The following CHD9 variants were observed in gnomAD, a reference collection of about 807,000 sequenced individuals.
CHD9 encodes the protein chromodomain helicase DNA binding protein 9, also known as ATP-dependent chromatin remodeler CHD9.
In CHD9, 77 loss-of-function variants were observed where a neutral mutation model predicts 316.1. The observed-to-expected ratio is 0.24, with a 90% confidence interval of 0.20 to 0.29. CHD9 has a LOEUF of 0.29. Ranked by LOEUF, CHD9 falls within the 10% of genes least tolerant of loss-of-function variation. The probability of loss-of-function intolerance (pLI) is 1.00; values close to 1 mark genes in which losing one functional copy is unlikely to be tolerated. For missense variants in CHD9, 2,763 were observed against 3,438.1 expected, an observed-to-expected ratio of 0.80 and a Z score of 4.91; for synonymous variants, 1,129 against 1,158.3, an observed-to-expected ratio of 0.97 and a Z score of 0.51.
At position 53,288,095 on chromosome 16, in the gene CHD9, A is replaced by G. The variant is rs796197867; in HGVS notation, c.5247+81A>G. 20 of 1,087,836 alleles carry G rather than the reference A, an allele frequency of 1.8e-5. No homozygotes were observed. In the African/African-American group the frequency reaches 2.5e-4, roughly 14 times the overall value. The allele number at this position is 1,087,836 out of a possible 1,614,324, so 67.4% of individuals were successfully genotyped here. ...GTGTTTGCTTTTTCTTTTGCATTAT[A>G]TTTTGTTTTCATTATACATAATTCT... is the stretch of plus-strand genomic sequence containing the variant. On this transcript the variant is annotated intron_variant, in intron 27 of 38. Coordinates refer to ENST00000447540, the MANE Select transcript of CHD9 (RefSeq NM_001308319.2).
At position 53,308,862 on chromosome 16, in the gene CHD9, T is replaced by A; in HGVS notation, c.7222+8T>A. The A allele has an allele frequency of 6.3e-7, 1 of 1,597,058 alleles. No homozygotes were observed. Among genetic ancestry groups the A allele is most frequent in the Non-Finnish European group, 8.6e-7 (1 of 1,166,826 alleles). ...AATCCATACCAGTATCAGGTGAATA[T>A]GCAAGTAATAATTGTCTTACTATGA... On this transcript the variant is annotated splice_region_variant and intron_variant, in intron 34 of 38. Transcript: ENST00000447540.
intron 13 of CHD9, among the ~76,000 whole-genome samples, chr16:53,244,812 A>AT (rs1285646889): frequency 6.6e-6 from 1 of 152,122 alleles, no homozygotes; most frequent in Non-Finnish European, 1.5e-5. Context: ...GTGGGTAGAG[A>AT]TGTAGTTTTT....
chr16:53,077,768 C>T (rs555227245), intron 1 of CHD9, among the ~76,000 whole-genome samples: 5 of 152,278 alleles, frequency 3.3e-5, no homozygotes, highest in Non-Finnish European at 5.9e-5. Context: ...TCTACTTCTT[C>T]GGCAATTTTG....
intron 29 of CHD9, among the ~76,000 whole-genome samples, chr16:53,296,102 G>A (rs920591362): frequency 3.3e-5 from 5 of 151,872 alleles, no homozygotes; most frequent in South Asian, 2.1e-4. Context: ...CCTTAGCCTC[G>A]TCCCATCTGA....
chr16:53,280,538 G>A (rs768478014), intron 24 of CHD9, among the ~76,000 whole-genome samples: 1 of 151,764 alleles, frequency 6.6e-6, no homozygotes, highest in Non-Finnish European at 1.5e-5. Flanking sequence ...GCAGGAAGGG[G>A]GTTCGGGATA....
intron 1 of CHD9, among the ~76,000 whole-genome samples, chr16:53,151,016 T>G (rs920927952): frequency 6.6e-6 from 1 of 152,126 alleles, no homozygotes; most frequent in African/African-American, 2.4e-5. Flanking sequence ...TTTCATCAAA[T>G]TTGGGGAGTT....
chr16:53,262,909 C>T, intron 19 of CHD9, 78 bp from the exon 20 acceptor site: 1 of 1,131,640 alleles, frequency 8.8e-7, no homozygotes, highest in Admixed American at 1.8e-5. Flanking sequence ...AAATTCTATC[C>T]ATAGTAAATG....
intron 1 of CHD9, among the ~76,000 whole-genome samples, chr16:53,099,693 T>A (rs2036677047): frequency 6.6e-6 from 1 of 152,148 alleles, no homozygotes; most frequent in Non-Finnish European, 1.5e-5. Flanking sequence ...CCCTTCCCGC[T>A]GAGTCACACA....
chr16:53,068,270 G>A (rs1266156157), intron 1 of CHD9, among the ~76,000 whole-genome samples: 1 of 152,136 alleles, frequency 6.6e-6, no homozygotes, highest in Non-Finnish European at 1.5e-5. Context: ...TGTTATTGTT[G>A]TTAGTCTGCC....
intron 2 of CHD9, among the ~76,000 whole-genome samples, chr16:53,168,998 C>T (rs1212674239): frequency 6.6e-6 from 1 of 152,162 alleles, no homozygotes; most frequent in Non-Finnish European, 1.5e-5. Flanking sequence ...GTCACTTGAG[C>T]TCAAGAGTTT....
intron 2 of CHD9, among the ~76,000 whole-genome samples, chr16:53,209,206 G>A (rs1306940778): frequency 6.6e-6 from 1 of 152,114 alleles, no homozygotes; most frequent in African/African-American, 2.4e-5. Context: ...TATCTTTACA[G>A]GACAAAACTT....
chr16:53,255,991 A>G (rs1293949748), intron 19 of CHD9, among the ~76,000 whole-genome samples: 5 of 152,366 alleles, frequency 3.3e-5, no homozygotes, highest in Non-Finnish European at 7.3e-5. Context: ...TGTAATAACT[A>G]GAAATGGTTC....
rs140949087 is a variant in CHD9 at position 53,154,646 on chromosome 16, A to G, written c.-164-1280A>G. ...CTTATAAGGGAGCACAGCCTAGATC[A>G]CTTACATATGCAGTTCACGATAGGG... is the stretch of plus-strand genomic sequence containing the variant. On this transcript the variant is annotated intron_variant, in intron 1 of 38. Coordinates refer to ENST00000447540, the MANE Select transcript of CHD9 (RefSeq NM_001308319.2). Among the ~76,000 whole-genome samples, 34 of 152,318 alleles carry G rather than the reference A, an allele frequency of 2.2e-4. No individual in the cohort carries two copies. In the East Asian group the frequency reaches 6.6e-3, roughly 29 times the overall value.
intron 1 of CHD9, chr16:53,131,150 T>G (rs2152680401): frequency 7.1e-6 from 1 of 141,728 alleles, no homozygotes; most frequent in African/African-American, 2.7e-5. Context: ...GCTGCTCAAC[T>G]GGTGGGGAGA....
intron 23 of CHD9, 88 bp from the exon 24 acceptor site, chr16:53,274,125 C>T (rs879616782): frequency 2.1e-5 from 17 of 804,360 alleles, no homozygotes; most frequent in Non-Finnish European, 3.6e-5. Context: ...AATCTGTACA[C>T]AAATTCCTTC....
intron 29 of CHD9, among the ~76,000 whole-genome samples, chr16:53,296,319 A>T (rs964259728): frequency 3.3e-5 from 5 of 152,280 alleles, no homozygotes; most frequent in Non-Finnish European, 5.9e-5. Context: ...TTTCTCACAT[A>T]GCAAAAATAC....
At chr16:53,063,618 C>T (rs148228572) in intron 1 of CHD9, among the ~76,000 whole-genome samples, 3,833 of 151,982 alleles carry the variant, frequency 0.025, 194 homozygotes, top group East Asian at 0.2. Flanking sequence ...CTGCAAGCTC[C>T]GCCTTCGGGT....
At chr16:53,082,401 C>T (rs560208723) in intron 1 of CHD9, among the ~76,000 whole-genome samples, 1 of 152,196 alleles carries the variant, frequency 6.6e-6, no homozygotes, top group East Asian at 1.9e-4. Flanking sequence ...CCACACCCAA[C>T]TAATTTTTAT....
At chr16:53,058,246 A>G (rs563914775) in intron 1 of CHD9, among the ~76,000 whole-genome samples, 4 of 152,140 alleles carry the variant, frequency 2.6e-5, no homozygotes, top group African/African-American at 9.6e-5. Context: ...TCAGCCTCCC[A>G]TGTAGCTGGT....
Sources: allele counts gnomAD v4.1 joint callset (sites outside exome capture counted in the v4.1 genomes callset), GRCh38; gene constraint gnomAD v4.1.1; transcripts MANE v1.5; gene names NCBI Gene and HGNC (gene_info 2026-07-23, HGNC 2026-07-21).